SCG5: variants seen among roughly 807,000 people sequenced by gnomAD.
The protein encoded by SCG5 is secretogranin V, also known as neuroendocrine protein 7B2.
In SCG5, 18 loss-of-function variants were observed where a neutral mutation model predicts 25.7. The observed-to-expected ratio is 0.70, with a 90% CI of 0.48 to 1.04. The LOEUF (loss-of-function observed/expected upper bound fraction) is 1.04. Ranked by LOEUF, SCG5 falls within the 50% of genes least tolerant of loss-of-function variation. SCG5 has a pLI of 0.00. For missense variants in SCG5, 206 were observed against 259.8 expected, an observed-to-expected ratio of 0.79 and a Z score of 1.42; for synonymous variants, 101 against 91.7, an observed-to-expected ratio of 1.10 and a Z score of -0.58.
Position 32,655,450 on chromosome 15 carries a change from C to A in SCG5, c.226+11632C>A, listed in dbSNP as rs11858274. ...TCCCCTTAAGTTCGGCACCACCATG[C>A]CCTTCAGCTATGATTGTCTCCCATT... is the stretch of plus-strand genomic sequence containing the variant. On this transcript the variant is annotated intron_variant, in intron 2 of 5. Coordinates refer to ENST00000300175, the MANE Select transcript of SCG5 (RefSeq NM_001144757.3). Among the ~76,000 whole-genome samples the A allele has an allele frequency of 7.9e-3, 1,207 of 152,306 alleles. 20 individuals carry two copies. Among genetic ancestry groups the A allele is most frequent in the African/African-American group, 0.028 (1,164 of 41,566 alleles).
intron 2 of SCG5, among the ~76,000 whole-genome samples, chr15:32,654,566 A>T (rs936354114): frequency 3.3e-5 from 5 of 152,186 alleles, no homozygotes; most frequent in Non-Finnish European, 7.3e-5. Flanking sequence ...CAGATGCAGA[A>T]AGTGTTAAAC....
intron 2 of SCG5, among the ~76,000 whole-genome samples, chr15:32,670,537 C>T (rs753991437): frequency 6.6e-6 from 1 of 152,228 alleles, no homozygotes; most frequent in African/African-American, 2.4e-5. Flanking sequence ...TTCTAAACAG[C>T]TTAAACTAAA....
intron 4 of SCG5, among the ~76,000 whole-genome samples, chr15:32,686,801 C>T (rs1349338914): frequency 6.6e-6 from 1 of 152,146 alleles, no homozygotes; most frequent in East Asian, 1.9e-4. Context: ...CTTCAGAGAG[C>T]TTATAGTCCC....
chr15:32,669,863 G>A (rs1204840600), intron 2 of SCG5, among the ~76,000 whole-genome samples: 4 of 141,406 alleles, frequency 2.8e-5, no homozygotes, highest in East Asian at 2.0e-4. Flanking sequence ...AACAAACACC[G>A]CTTCAGAAAA....
At chr15:32,672,935 A>AAAAG (rs2054461682) in intron 2 of SCG5, 1 of 93,156 alleles carries the variant, frequency 1.1e-5, no homozygotes, top group East Asian at 9.8e-4. Flanking sequence ...AAAAAAAAAG[A>AAAAG]GACAGAGTGA....
At chr15:32,663,065 ATATATAT>A (rs2054257409) in intron 2 of SCG5, among the ~76,000 whole-genome samples, 5 of 50,168 alleles carry the variant, frequency 1.0e-4, no homozygotes, top group Admixed American at 3.5e-4. Context: ...ATATATATAT[ATATATAT>A]ATATATAATA....
chr15:32,695,619 G>A (rs1353146364), intron 5 of SCG5, among the ~76,000 whole-genome samples: 1 of 151,972 alleles, frequency 6.6e-6, no homozygotes, highest in Admixed American at 6.6e-5. Context: ...GAAGGAAGGT[G>A]GAAATGATCA....
rs141210106 is a variant in SCG5 at position 32,647,371 on chromosome 15, T to C, written c.226+3553T>C. 5.4e-3 allele frequency among the ~76,000 whole-genome samples: 817 copies of C among 152,320 alleles called. 13 individuals carry two copies. Among genetic ancestry groups the C allele is most frequent in the African/African-American group, 0.019 (771 of 41,552 alleles). ...ATCTATCTTGTCTACTTAAATAAAT[T>C]AATTGTATGATCAATGGATCTTAAC... is the stretch of plus-strand genomic sequence containing the variant. On this transcript the variant is annotated intron_variant, in intron 2 of 5. Coordinates refer to ENST00000300175, the MANE Select transcript of SCG5 (RefSeq NM_001144757.3).
intron 3 of SCG5, among the ~76,000 whole-genome samples, chr15:32,683,954 T>C (rs902236860): frequency 6.6e-6 from 1 of 152,238 alleles, no homozygotes; most frequent in African/African-American, 2.4e-5. Flanking sequence ...CTTGCTCTTG[T>C]AACAAATAAA....
At chr15:32,667,137 T>G (rs1452333632) in intron 2 of SCG5, among the ~76,000 whole-genome samples, 3 of 152,236 alleles carry the variant, frequency 2.0e-5, no homozygotes, top group Non-Finnish European at 4.4e-5. Flanking sequence ...TTCTTTTTAC[T>G]TTTTGAAGTG....
At chr15:32,677,439 A>G (rs555756297) in intron 2 of SCG5, 4 of 152,324 alleles carry the variant, frequency 2.6e-5, no homozygotes, top group South Asian at 2.1e-4. Context: ...AACATTTCCA[A>G]TGGGGGAAAA....
intron 2 of SCG5, chr15:32,669,146 T>A (rs1447598399): frequency 1.3e-5 from 2 of 152,180 alleles, no homozygotes; most frequent in African/African-American, 4.8e-5. Context: ...TACATGTTAA[T>A]TAGCACTCAT....
At chr15:32,684,951 C>G (rs2054679670) in intron 4 of SCG5, among the ~76,000 whole-genome samples, 1 of 152,182 alleles carries the variant, frequency 6.6e-6, no homozygotes, top group Admixed American at 6.5e-5. Flanking sequence ...GTGTCATACA[C>G]ATCCTAAATT....
rs1017953140 is a variant in SCG5 at position 32,643,781 on chromosome 15, C to T, written c.189C>T (p.His63=). 1 of 1,613,732 alleles carries T rather than the reference C, an allele frequency of 6.2e-7. No individual in the cohort carries two copies. The highest frequency in any genetic ancestry group is 8.5e-7 in the Non-Finnish European group (1 of 1,179,894). The change falls in exon 2 of 6, where the codon CAC becomes CAT. Residue 63 remains histidine (H), a synonymous_variant. Transcript: ENST00000300175. ...GGCCCCGAGTGGAATATCCAGCTCA[C>T]CAGGCCATGAATCTTGTGGGCCCCC... ...IARPRVEYPA[H]QAMNLVGPQS...
At chr15:32,695,068 T>C (rs1417937496) in intron 5 of SCG5, among the ~76,000 whole-genome samples, 7 of 151,898 alleles carry the variant, frequency 4.6e-5, no homozygotes, top group African/African-American at 1.7e-4. Context: ...CAGGCTGGAC[T>C]GCAGTGGCGC....
intron 2 of SCG5, among the ~76,000 whole-genome samples, chr15:32,679,096 G>A (rs577963560): frequency 1.1e-4 from 17 of 152,224 alleles, no homozygotes; most frequent in Admixed American, 3.3e-4. Flanking sequence ...CCAGCTTCCA[G>A]AGCCCTACCC....
rs2054131495 is a variant in SCG5, at chr15:32,657,199, G to GTGTATATATATATATATATATATATATA, written c.226+13382_226+13383insGTATATATATATATATATATATATATAT. 3.0e-4 allele frequency among the ~76,000 whole-genome samples: 2 copies of GTGTATATATATATATATATATATATATA among 6,702 alleles called. 1 individual carries two copies. Among genetic ancestry groups the GTGTATATATATATATATATATATATATA allele is most frequent in the African/African-American group, 1.0e-3 (2 of 1,968 alleles). 4.4% of individuals were successfully genotyped at this position (6,702 alleles called of 152,430 possible). Reference sequence around the variant, plus strand: ...CCTTAATTCTTTCTTTCATCCTCCTGTATATATATATATGTATGTATTTCC... The same window carrying GTGTATATATATATATATATATATATATA: ...CCTTAATTCTTTCTTTCATCCTCCTGTGTATATATATATATATATATATATATATATATATATATATGTATGTATTTCC... On this transcript the variant is annotated intron_variant, in intron 2 of 5. Coordinates refer to ENST00000300175, the MANE Select transcript of SCG5 (RefSeq NM_001144757.3).
chr15:32,683,329 C>G (rs2054650802), intron 3 of SCG5, among the ~76,000 whole-genome samples: 2 of 152,110 alleles, frequency 1.3e-5, no homozygotes, highest in Non-Finnish European at 2.9e-5. Flanking sequence ...TAACCCTGCA[C>G]AAAATTCACA....
intron 2 of SCG5, among the ~76,000 whole-genome samples, chr15:32,667,686 T>C (rs1306886231): frequency 6.6e-6 from 1 of 151,532 alleles, no homozygotes; most frequent in Non-Finnish European, 1.5e-5. Flanking sequence ...TCTTTTTTTT[T>C]TTTTGAGACA....
Sources: gnomAD v4.1 joint callset for allele counts (sites outside exome capture counted in the v4.1 genomes callset) on GRCh38, gnomAD v4.1.1 for gene constraint, MANE v1.5 for transcripts, NCBI Gene and HGNC (gene_info 2026-07-23, HGNC 2026-07-21) for gene names.